Variants in CNTN4 observed in about 807,000 individuals in gnomAD.
CNTN4 encodes contactin 4, also known as contactin-4.
A neutral mutation model predicts 122.5 loss-of-function variants in CNTN4; 77 were observed. The ratio of observed to expected loss-of-function variants is 0.63; its 90% CI spans 0.52 to 0.76. CNTN4 has a LOEUF of 0.76. Ranked by LOEUF, CNTN4 falls within the 30% of genes least tolerant of loss-of-function variation. The probability of loss-of-function intolerance (pLI) is 0.00; values close to 1 mark genes in which losing one functional copy is unlikely to be tolerated. For missense variants in CNTN4, 1,256 were observed against 1,259.1 expected, an observed-to-expected ratio of 1.00 and a Z score of 0.04; for synonymous variants, 512 against 447.0, an observed-to-expected ratio of 1.15 and a Z score of -1.83.
At chr3:2,801,981 A>C (rs2675319) in intron 6 of CNTN4, among the ~76,000 whole-genome samples, 42,993 of 152,174 alleles carry the variant, frequency 0.28, 7,059 homozygotes, top group Non-Finnish European at 0.38. Context: ...AATAAGTACT[A>C]TAAAAATGTA....
intron 3 of CNTN4, among the ~76,000 whole-genome samples, chr3:2,393,693 G>C (rs2046528730): frequency 1.3e-5 from 2 of 151,990 alleles, no homozygotes; most frequent in African/African-American, 2.4e-5. Flanking sequence ...ATGTTTTCAA[G>C]TATTTCTGTC....
At chr3:2,309,746 A>C (rs903922423) in intron 2 of CNTN4, among the ~76,000 whole-genome samples, 1 of 152,150 alleles carries the variant, frequency 6.6e-6, no homozygotes, top group African/African-American at 2.4e-5. Flanking sequence ...TAGAGTTTTT[A>C]AAAAATACAT....
At position 2,298,354 on chromosome 3, in the gene CNTN4, A is replaced by G. The variant is rs186747069; in HGVS notation, c.-144-40824A>G. Reference sequence around the variant, plus strand: ...GTTCTTGTAGTTGTAATTAGTCAGAATTAGTATATTAATTTTTAAACACAC... The same window carrying G: ...GTTCTTGTAGTTGTAATTAGTCAGAGTTAGTATATTAATTTTTAAACACAC... On this transcript the variant is annotated intron_variant, in intron 2 of 24. Transcript: ENST00000418658. Among the ~76,000 whole-genome samples the G allele has an allele frequency of 1.8e-3, 279 of 152,218 alleles. 2 individuals are homozygous for G. The highest frequency in any genetic ancestry group is 6.3e-3 in the African/African-American group (260 of 41,534).
intron 3 of CNTN4, among the ~76,000 whole-genome samples, chr3:2,416,367 T>G (rs2151073105): frequency 6.6e-6 from 1 of 152,316 alleles, no homozygotes; most frequent in Admixed American, 6.5e-5. Flanking sequence ...TTTTTCATTT[T>G]TAAATTGGAG....
At chr3:2,763,269 G>T (rs535515935) in intron 6 of CNTN4, among the ~76,000 whole-genome samples, 63 of 152,084 alleles carry the variant, frequency 4.1e-4, no homozygotes, top group Non-Finnish European at 7.8e-4. Context: ...TTATATGACT[G>T]TTGGCTGCAT....
intron 2 of CNTN4, among the ~76,000 whole-genome samples, chr3:2,307,451 AT>A (rs1385795234): frequency 6.8e-6 from 1 of 147,494 alleles, no homozygotes; most frequent in Non-Finnish European, 1.5e-5. Context: ...AAAAAAAAAA[AT>A]AGCAAGACAA....
chr3:2,857,978 G>A (rs931411682), intron 7 of CNTN4, among the ~76,000 whole-genome samples: 6 of 152,128 alleles, frequency 3.9e-5, no homozygotes, highest in Non-Finnish European at 7.4e-5. Flanking sequence ...TTATCTTTGT[G>A]TCTGTATCCT....
chr3:2,785,138 C>CACACACACACAT (rs140652217), intron 6 of CNTN4, among the ~76,000 whole-genome samples: 4 of 136,182 alleles, frequency 2.9e-5, no homozygotes, highest in African/African-American at 1.1e-4. Flanking sequence ...CACACACACA[C>CACACACACACAT]ATATATATAG....
At chr3:2,464,025 C>T (rs966231106) in intron 3 of CNTN4, among the ~76,000 whole-genome samples, 7 of 152,146 alleles carry the variant, frequency 4.6e-5, no homozygotes, top group African/African-American at 1.7e-4. Flanking sequence ...ACAATATTTG[C>T]ACCCCTAACC....
intron 3 of CNTN4, among the ~76,000 whole-genome samples, chr3:2,469,798 G>T (rs559517726): frequency 1.3e-5 from 2 of 152,250 alleles, no homozygotes; most frequent in South Asian, 2.1e-4. Flanking sequence ...TTTCTGACAT[G>T]TGTTATTAGA....
intron 2 of CNTN4, among the ~76,000 whole-genome samples, chr3:2,146,740 G>C (rs1454608027): frequency 6.6e-6 from 1 of 152,174 alleles, no homozygotes. Context: ...ATATGTGTCA[G>C]TTATATGTCA....
At chr3:2,882,856 T>G in intron 8 of CNTN4, 1 of 345,172 alleles carries the variant, frequency 2.9e-6, no homozygotes, top group South Asian at 2.7e-5. Flanking sequence ...CCCTTCTCCT[T>G]TTTTTCCTTA....
chr3:2,100,210 C>G (rs548949231), intron 1 of CNTN4, among the ~76,000 whole-genome samples: 47 of 152,216 alleles, frequency 3.1e-4, no homozygotes, highest in African/African-American at 9.9e-4. Flanking sequence ...AAAGGAATGT[C>G]GTGGAACTTT....
intron 2 of CNTN4, among the ~76,000 whole-genome samples, chr3:2,301,112 C>CA (rs2042500619): frequency 1.3e-5 from 2 of 152,144 alleles, no homozygotes. Context: ...CTCAATCCGC[C>CA]AGATGTTCTG....
intron 3 of CNTN4, among the ~76,000 whole-genome samples, chr3:2,449,413 G>A (rs2048741520): frequency 1.3e-5 from 2 of 152,008 alleles, no homozygotes; most frequent in African/African-American, 4.8e-5. Flanking sequence ...TCAGGAGTTC[G>A]ATACCAGCCT....
intron 2 of CNTN4, among the ~76,000 whole-genome samples, chr3:2,306,899 T>TA (rs2042729010): frequency 7.4e-6 from 1 of 134,306 alleles, no homozygotes; most frequent in African/African-American, 3.3e-5. Context: ...TGAAATTTTT[T>TA]TATTTCATGT....
intron 2 of CNTN4, among the ~76,000 whole-genome samples, chr3:2,289,375 G>GT (rs1559417782): frequency 1.3e-5 from 2 of 152,194 alleles, no homozygotes; most frequent in Non-Finnish European, 1.5e-5. Flanking sequence ...CAAAACTTTT[G>GT]TATGTTTAGT....
intron 4 of CNTN4, among the ~76,000 whole-genome samples, chr3:2,593,072 T>C (rs1576138695): frequency 6.6e-6 from 1 of 152,304 alleles, no homozygotes. Context: ...CACTCAGCTC[T>C]CCCTGAACTC....
intron 8 of CNTN4, among the ~76,000 whole-genome samples, chr3:2,869,827 A>G (rs1011782720): frequency 2.0e-5 from 3 of 152,214 alleles, no homozygotes; most frequent in African/African-American, 7.2e-5. Flanking sequence ...GAAAATTCTT[A>G]TCAGCTTAAA....
Sources: allele counts gnomAD v4.1 joint callset (sites outside exome capture counted in the v4.1 genomes callset), GRCh38; gene constraint gnomAD v4.1.1; transcripts MANE v1.5; gene names NCBI Gene and HGNC (gene_info 2026-07-23, HGNC 2026-07-21).